The following GSTA5 variants were observed in gnomAD, a reference collection of about 807,000 sequenced individuals.
GSTA5 encodes glutathione S-transferase A5.
In GSTA5, 25 loss-of-function variants were observed where a neutral mutation model predicts 21.8. That is an observed-to-expected ratio of 1.14 (90% confidence interval 0.83 to 1.60). The LOEUF (loss-of-function observed/expected upper bound fraction) is 1.60, where lower values mean the gene tolerates loss of function less well. GSTA5 is among the 40% of genes most tolerant of loss of function. The pLI, the probability that GSTA5 is intolerant of heterozygous loss-of-function variation, is 0.00. For missense variants in GSTA5, 330 were observed against 259.2 expected, an observed-to-expected ratio of 1.27 and a Z score of -1.88; for synonymous variants, 102 against 89.5, an observed-to-expected ratio of 1.14 and a Z score of -0.78.
chr6:52,843,836 G>A (rs867117982), upstream of GSTA5, among the ~76,000 whole-genome samples: 1 of 152,164 alleles, frequency 6.6e-6, no homozygotes. Context: ...GCCATTGATT[G>A]AGAATCATGT....
exon 4 of GSTA5, chr6:52,834,156 G>A (rs781466976): frequency 2.5e-6 from 4 of 1,614,164 alleles, no homozygotes; most frequent in South Asian, 1.1e-5. Flanking sequence ...CAAAGGCAGG[G>A]AAGTAGCGAT....
At chr6:52,844,689 G>A (rs1341521697), upstream of GSTA5, among the ~76,000 whole-genome samples, 1 of 152,154 alleles carries the variant, frequency 6.6e-6, no homozygotes, top group Non-Finnish European at 1.5e-5. Context: ...TCTTCTTAGA[G>A]TAGAGGTAGT....
intron 1 of GSTA5, among the ~76,000 whole-genome samples, chr6:52,839,570 A>G (rs1764343653): frequency 6.6e-6 from 1 of 152,182 alleles, no homozygotes. Context: ...CGGCGCTGTG[A>G]GGCTGAAGGG....
upstream of GSTA5, among the ~76,000 whole-genome samples, chr6:52,843,854 G>C (rs1764418216): frequency 6.6e-6 from 1 of 152,122 alleles, no homozygotes; most frequent in Admixed American, 6.5e-5. Flanking sequence ...TGTTTCAAAA[G>C]GAAATGAATT....
At chr6:52,843,056 C>T (rs1412510461), upstream of GSTA5, among the ~76,000 whole-genome samples, 1 of 152,166 alleles carries the variant, frequency 6.6e-6, no homozygotes, top group Admixed American at 6.5e-5. Context: ...CCAGCATCAT[C>T]CATGTCCCTG....
chr6:52,841,072 G>C (rs375876566), upstream of GSTA5, among the ~76,000 whole-genome samples: 30 of 152,310 alleles, frequency 2.0e-4, no homozygotes, highest in East Asian at 5.0e-3. Flanking sequence ...CCTAAGAGGT[G>C]AGAGTATGTG....
rs1764361613 is a variant in GSTA5, at chr6:52,840,751, C to T, written c.63G>A (p.Trp21Ter). 6.2e-7 allele frequency: 1 copy of T among 1,614,096 alleles called. No homozygotes were observed. Among genetic ancestry groups the T allele is most frequent in the African/African-American group, 1.3e-5 (1 of 75,060 alleles). ...CCTCTACTCCAGCTGCAGCCAGGAGCCACCGAATGGACTCCATACTGCCCC... is the reference window on the plus strand; with the variant it reads ...CCTCTACTCCAGCTGCAGCCAGGAGTCACCGAATGGACTCCATACTGCCCC... Residue 21 changes from tryptophan to a stop codon, truncating the protein, a stop_gained, in exon 1 of 6, where the codon TGG becomes TGA. Transcript: ENST00000370989. LOFTEE classifies it high-confidence loss of function.
upstream of GSTA5, chr6:52,840,989 A>G: frequency 1.7e-6 from 1 of 602,996 alleles, no homozygotes. Flanking sequence ...CTTGGCTCAA[A>G]TTGTTACCCA....
intron 2 of GSTA5, 53 bp downstream of exon 2, chr6:52,837,505 T>A: frequency 8.3e-7 from 1 of 1,206,562 alleles, no homozygotes; most frequent in Non-Finnish European, 1.2e-6. Flanking sequence ...TCAACGTTCC[T>A]CTGTACCTTC....
At chr6:52,834,164 G>C (rs771331384) in exon 4 of GSTA5, 7 of 1,614,086 alleles carry the variant, frequency 4.3e-6, no homozygotes, top group South Asian at 2.2e-5. Flanking sequence ...GGGAAGTAGC[G>C]ATTTTTTATT....
upstream of GSTA5, among the ~76,000 whole-genome samples, chr6:52,842,621 T>A: frequency 6.6e-6 from 1 of 152,020 alleles, no homozygotes; most frequent in Non-Finnish European, 1.5e-5. Context: ...GCCAGGCTGG[T>A]CTCAAACACC....
intron 4 of GSTA5, 116 bp from the exon 5 acceptor site, chr6:52,833,106 T>C: frequency 3.5e-6 from 4 of 1,153,314 alleles, no homozygotes; most frequent in Non-Finnish European, 5.1e-6. Flanking sequence ...ATTGCATGGG[T>C]GCAGAAATCC....
chr6:52,842,900 T>G (rs1204134086), upstream of GSTA5, among the ~76,000 whole-genome samples: 1 of 152,164 alleles, frequency 6.6e-6, no homozygotes, highest in African/African-American at 2.4e-5. Context: ...ATCCCTTCCC[T>G]AGGCCCCCAC....
At chr6:52,843,016 C>G (rs1764403193), upstream of GSTA5, among the ~76,000 whole-genome samples, 1 of 152,172 alleles carries the variant, frequency 6.6e-6, no homozygotes, top group African/African-American at 2.4e-5. Context: ...GTTTTCTGTT[C>G]TTGTGATAGC....
chr6:52,831,894 A>C, exon 6 of GSTA5: 1 of 1,613,904 alleles, frequency 6.2e-7, no homozygotes, highest in Non-Finnish European at 8.5e-7. Context: ...TTTCTCATCC[A>C]TGGGAGGCTT....
At chr6:52,845,460 C>CGG (rs1764441449), upstream of GSTA5, among the ~76,000 whole-genome samples, 1 of 152,180 alleles carries the variant, frequency 6.6e-6, no homozygotes. Context: ...AAGAATTACA[C>CGG]AGTTCAAAGG....
chr6:52,845,396 A>AAGGG (rs1441429899), upstream of GSTA5, among the ~76,000 whole-genome samples: 1 of 152,164 alleles, frequency 6.6e-6, no homozygotes, highest in African/African-American at 2.4e-5. Flanking sequence ...CAGATAGGTA[A>AAGGG]AGGGCAGGGA....
At chr6:52,846,082 G>A in the GSTA5 span, 1 of 159,408 alleles carries the variant, frequency 6.3e-6, no homozygotes, top group African/African-American at 2.4e-5. Flanking sequence ...TGTCACTGTC[G>A]TGGCTGGGCA....
intron 4 of GSTA5, 93 bp downstream of exon 4, chr6:52,834,048 A>C: frequency 7.2e-7 from 1 of 1,381,898 alleles, no homozygotes; most frequent in Non-Finnish European, 1.0e-6. Flanking sequence ...GTCTCACTGA[A>C]AGTGAAGGTC....
Sources: gnomAD v4.1 joint callset for allele counts (sites outside exome capture counted in the v4.1 genomes callset) on GRCh38, gnomAD v4.1.1 for gene constraint, MANE v1.5 for transcripts, NCBI Gene and HGNC (gene_info 2026-07-23, HGNC 2026-07-21) for gene names.